BRINP3: variants seen among roughly 807,000 people sequenced by gnomAD.
The protein encoded by BRINP3 is BMP/retinoic acid-inducible neural-specific protein 3.
In BRINP3, 19 loss-of-function variants were observed where a neutral mutation model predicts 71.0. The ratio of observed to expected loss-of-function variants is 0.27; its 90% CI spans 0.19 to 0.39. The LOEUF (loss-of-function observed/expected upper bound fraction) is 0.39, where lower values mean the gene tolerates loss of function less well. Among genes scored for constraint, BRINP3 ranks in the 10% least tolerant of loss-of-function variants. BRINP3 has a pLI of 1.00. For missense variants in BRINP3, 959 were observed against 940.8 expected (o/e 1.02, Z -0.25); for synonymous variants, 380 against 337.7 (o/e 1.13, Z -1.37).
intron 1 of BRINP3, among the ~76,000 whole-genome samples, chr1:190,457,780 A>G (rs922277911): frequency 2.0e-5 from 3 of 152,170 alleles, no homozygotes; most frequent in African/African-American, 7.2e-5. Flanking sequence ...AAAGTAGGAT[A>G]CAGTTGACCT....
In BRINP3 at chr1:190,417,059, C is replaced by A. The variant is rs74130748; in HGVS notation, c.236+37596G>T. On this transcript the variant is annotated intron_variant, in intron 2 of 7. Coordinates refer to ENST00000367462, the MANE Select transcript of BRINP3 (RefSeq NM_199051.3). ...TAGTTTTAAGATGCTCCCCATGTTT[C>A]CTGTTGCTAAGGAACTTACACCTCA... Among the ~76,000 whole-genome samples the A allele has an allele frequency of 7.3e-3, 1,107 of 152,218 alleles. 15 individuals are homozygous for A. The highest frequency in any genetic ancestry group is 0.025 in the African/African-American group (1,035 of 41,534).
intron 1 of BRINP3, among the ~76,000 whole-genome samples, chr1:190,456,370 C>T (rs917231899): frequency 2.6e-5 from 4 of 152,172 alleles, no homozygotes; most frequent in African/African-American, 9.6e-5. Flanking sequence ...GGGATTAAAG[C>T]GTACCGTCTT....
chr1:190,098,730 C>T lies in BRINP3; in HGVS notation c.1589G>A (p.Arg530His), dbSNP rs1247221610. 4 of 1,614,204 alleles carry T rather than the reference C, an allele frequency of 2.5e-6. No individual in the cohort carries two copies. Among genetic ancestry groups the T allele is most frequent in the Admixed American group, 1.7e-5 (1 of 60,034 alleles). ...CTTCAAGGTGAGGAGCATCCGCTTA[C>T]GCCAGGAGGGATCAAACCAGCTATT... is the stretch of plus-strand genomic sequence containing the variant. The part of the protein sequence containing the change: ...RLNSWFDPSW[R>H]KRMLLTLKSN... Residue 530 changes from arginine (R) to histidine (H), a missense_variant, in exon 8 of 8, where the codon CGT becomes CAT. By Grantham distance (29) the Arg-to-His change is conservative (BLOSUM62 0). Transcript: ENST00000367462.
chr1:190,133,974 C>A (rs1035432267), intron 7 of BRINP3, among the ~76,000 whole-genome samples: 17 of 152,046 alleles, frequency 1.1e-4, no homozygotes, highest in Admixed American at 9.2e-4. Flanking sequence ...AAACAAAAAA[C>A]CCCAAAACCA....
At chr1:190,335,919 C>A (rs1035022910) in intron 2 of BRINP3, among the ~76,000 whole-genome samples, 4 of 151,908 alleles carry the variant, frequency 2.6e-5, no homozygotes, top group Non-Finnish European at 5.9e-5. Flanking sequence ...AATGTGACAT[C>A]TGATAACAGA....
At chr1:190,321,350 C>T (rs1666226021) in intron 2 of BRINP3, among the ~76,000 whole-genome samples, 1 of 152,008 alleles carries the variant, frequency 6.6e-6, no homozygotes. Flanking sequence ...CCTAAAGTAC[C>T]ATTCATGTAT....
intron 7 of BRINP3, among the ~76,000 whole-genome samples, chr1:190,125,565 G>A (rs1453445267): frequency 6.6e-6 from 1 of 151,778 alleles, no homozygotes; most frequent in Non-Finnish European, 1.5e-5. Flanking sequence ...TTTTCTGCAT[G>A]GTTCATTTGA....
intron 2 of BRINP3, among the ~76,000 whole-genome samples, chr1:190,416,194 G>T (rs1347480515): frequency 1.3e-5 from 2 of 151,940 alleles, no homozygotes; most frequent in African/African-American, 2.4e-5. Context: ...AATTATTTTT[G>T]CTTATTTCTC....
At chr1:190,118,479 T>C (rs1462706403) in intron 7 of BRINP3, among the ~76,000 whole-genome samples, 2 of 152,202 alleles carry the variant, frequency 1.3e-5, no homozygotes, top group Non-Finnish European at 1.5e-5. Flanking sequence ...GATACTTTTC[T>C]AAACATCTCG....
At chr1:190,448,614 C>A (rs1211170206) in intron 2 of BRINP3, among the ~76,000 whole-genome samples, 2 of 151,428 alleles carry the variant, frequency 1.3e-5, no homozygotes, top group Non-Finnish European at 3.0e-5. Context: ...TGATATATGG[C>A]ATTAAAGAAA....
At chr1:190,317,968 A>T (rs988843141) in intron 2 of BRINP3, among the ~76,000 whole-genome samples, 2 of 152,136 alleles carry the variant, frequency 1.3e-5, no homozygotes, top group Non-Finnish European at 2.9e-5. Flanking sequence ...AAGCATAATC[A>T]GTTCCTGAGC....
intron 7 of BRINP3, among the ~76,000 whole-genome samples, chr1:190,105,001 C>A (rs1652027890): frequency 6.6e-6 from 1 of 151,968 alleles, no homozygotes; most frequent in African/African-American, 2.4e-5. Context: ...ATTTGTTATT[C>A]TCAGACATGA....
rs571169296 is a variant in BRINP3 at position 190,123,726 on chromosome 1, A to G, written c.1185-24592T>C. Among the ~76,000 whole-genome samples the G allele has an allele frequency of 2.0e-5, 3 of 152,288 alleles. No homozygotes were observed. The Middle Eastern group carries it at 0.01, about 518-fold the overall frequency. On this transcript the variant is annotated intron_variant, in intron 7 of 7. Transcript: ENST00000367462. ...CCATATCATTCAGCCAAAAGGAAAA[A>G]CTATGTAGACTTTTCATTGCAAAAG...
At chr1:190,157,386 T>C (rs1285017942) in intron 7 of BRINP3, among the ~76,000 whole-genome samples, 1 of 152,056 alleles carries the variant, frequency 6.6e-6, no homozygotes, top group East Asian at 1.9e-4. Context: ...TCAGATTTCA[T>C]GGATTCCTGT....
chr1:190,398,699 G>C (rs1671739277), intron 2 of BRINP3, among the ~76,000 whole-genome samples: 1 of 151,992 alleles, frequency 6.6e-6, no homozygotes, highest in East Asian at 1.9e-4. Flanking sequence ...GCTAAGCATA[G>C]TGTTTTATGT....
intron 2 of BRINP3, among the ~76,000 whole-genome samples, chr1:190,414,732 G>A (rs1672903626): frequency 6.6e-6 from 1 of 152,158 alleles, no homozygotes; most frequent in Admixed American, 6.5e-5. Context: ...ACAGTCTTAC[G>A]AGTGACAGCA....
intron 2 of BRINP3, among the ~76,000 whole-genome samples, chr1:190,371,804 A>C (rs1258159630): frequency 6.6e-6 from 1 of 152,166 alleles, no homozygotes; most frequent in Non-Finnish European, 1.5e-5. Context: ...ATTTTAATCC[A>C]GGGGCATCTG....
At chr1:190,340,762 T>G (rs1284624978) in intron 2 of BRINP3, among the ~76,000 whole-genome samples, 2 of 151,734 alleles carry the variant, frequency 1.3e-5, no homozygotes, top group Admixed American at 1.3e-4. Context: ...CTGTGTAATG[T>G]AATGTCAGCC....
At chr1:190,109,183 G>A (rs1032697469) in intron 7 of BRINP3, among the ~76,000 whole-genome samples, 1 of 151,906 alleles carries the variant, frequency 6.6e-6, no homozygotes, top group African/African-American at 2.4e-5. Flanking sequence ...ATGATTCTTT[G>A]GAGGATAAAA....
Sources: gnomAD v4.1 joint callset for allele counts (sites outside exome capture counted in the v4.1 genomes callset) on GRCh38, gnomAD v4.1.1 for gene constraint, MANE v1.5 for transcripts, NCBI Gene and HGNC (gene_info 2026-07-23, HGNC 2026-07-21) for gene names.